Variants in USP3 observed in about 807,000 individuals in gnomAD.
The protein encoded by USP3 is ubiquitin carboxyl-terminal hydrolase 3.
In USP3, 20 loss-of-function variants were observed where a neutral mutation model predicts 72.3. The ratio of observed to expected loss-of-function variants is 0.28; its 90% CI spans 0.19 to 0.40. The LOEUF (loss-of-function observed/expected upper bound fraction) is 0.40, where lower values mean the gene tolerates loss of function less well. Ranked by LOEUF, USP3 falls within the 10% of genes least tolerant of loss-of-function variation. The probability of loss-of-function intolerance (pLI) is 1.00; values close to 1 mark genes in which losing one functional copy is unlikely to be tolerated. For synonymous variants in USP3, 222 were observed against 225.3 expected (o/e 0.99, Z 0.13); for missense variants, 479 against 633.9 (o/e 0.76, Z 2.62).
At chr15:63,587,455 T>G (rs1260099563) in intron 11 of USP3, among the ~76,000 whole-genome samples, 1 of 152,242 alleles carries the variant, frequency 6.6e-6, no homozygotes, top group East Asian at 1.9e-4. Context: ...TCTTGGAAAC[T>G]GCAAGTTTAA....
chr15:63,572,464 A>C (rs1465708567), intron 9 of USP3, among the ~76,000 whole-genome samples: 2 of 151,990 alleles, frequency 1.3e-5, no homozygotes, highest in East Asian at 3.8e-4. Flanking sequence ...ACAGCTCCCA[A>C]TCCTTCTTCC....
rs1351426937 is a variant in USP3, at chr15:63,529,191, T to C, written c.92-3456T>C. 1.6e-5 allele frequency: 9 copies of C among 571,684 alleles called. No individual in the cohort carries two copies. The highest frequency in any genetic ancestry group is 3.2e-5 in the South Asian group (2 of 62,496). The allele number at this position is 571,684 out of a possible 1,614,324, so 35.4% of individuals were successfully genotyped here. A position where few individuals can be genotyped will look rare whatever the true frequency, so the allele number is the denominator to read the frequency against. On this transcript the variant is annotated intron_variant, in intron 1 of 14. Coordinates refer to ENST00000380324, the MANE Select transcript of USP3 (RefSeq NM_006537.4). This position sits in a 1 kb window ranked among gnomAD's most constrained non-coding sequence, Gnocchi z 4.2. ...GGTAGTAAAGTGGTTTTTTTTTTTT[T>C]CTTTTTTTTGAGATATATTAAAAGG...
At chr15:63,512,308 T>TCTTCTTCTTCCTCCTCC (rs1288598684) in intron 1 of USP3, among the ~76,000 whole-genome samples, 3 of 141,992 alleles carry the variant, frequency 2.1e-5, no homozygotes, top group Non-Finnish European at 4.6e-5. Context: ...CTTCCTCCTC[T>TCTTCTTCTTCCTCCTCC]TCTTCTTCTT....
intron 11 of USP3, among the ~76,000 whole-genome samples, chr15:63,580,261 T>C (rs987371812): frequency 1.3e-5 from 2 of 152,158 alleles, no homozygotes; most frequent in African/African-American, 4.8e-5. Flanking sequence ...AAAACATTTA[T>C]ATGAGTGTTA....
chr15:63,557,267 TG>T (rs1248356876), intron 5 of USP3, among the ~76,000 whole-genome samples: 2 of 149,992 alleles, frequency 1.3e-5, no homozygotes, highest in Non-Finnish European at 1.5e-5. Context: ...TTTTTGTTTT[TG>T]TTTTTTTTTT....
rs2066286983 is a variant in USP3 at position 63,544,196 on chromosome 15, T to A, written c.284+7040T>A. The A allele has an allele frequency of 1.3e-5, 2 of 148,720 alleles. No individual in the cohort carries two copies. Among genetic ancestry groups the A allele is most frequent in the Non-Finnish European group, 3.0e-5 (2 of 67,328 alleles). 9.2% of individuals were successfully genotyped at this position (148,720 alleles called of 1,614,324 possible). Reference sequence around the variant, plus strand: ...TTTAGATTTAATTGTATATATAATTTATTAATACAAATATATACATATATA... The same window carrying A: ...TTTAGATTTAATTGTATATATAATTAATTAATACAAATATATACATATATA... On this transcript the variant is annotated intron_variant, in intron 3 of 14. Coordinates refer to ENST00000380324, the MANE Select transcript of USP3 (RefSeq NM_006537.4). This position sits in a 1 kb window ranked among gnomAD's most constrained non-coding sequence, Gnocchi z 4.2.
At chr15:63,573,213 G>T (rs1424984257) in intron 9 of USP3, among the ~76,000 whole-genome samples, 2 of 152,144 alleles carry the variant, frequency 1.3e-5, no homozygotes, top group Non-Finnish European at 2.9e-5. Flanking sequence ...TAATAAAATA[G>T]TGGCAAACAC....
At chr15:63,512,867 C>T (rs1342364951) in intron 1 of USP3, among the ~76,000 whole-genome samples, 6 of 152,138 alleles carry the variant, frequency 3.9e-5, no homozygotes, top group African/African-American at 1.4e-4. Context: ...TAAACTTGAA[C>T]ATTGAAAAAT....
intron 11 of USP3, among the ~76,000 whole-genome samples, chr15:63,575,041 G>A (rs1595764032): frequency 3.3e-5 from 5 of 151,970 alleles, no homozygotes; most frequent in Admixed American, 3.3e-4. Flanking sequence ...CAAAGAGGCC[G>A]AGTCTGTATT....
At chr15:63,583,330 C>G (rs1001251758) in intron 11 of USP3, among the ~76,000 whole-genome samples, 1 of 152,080 alleles carries the variant, frequency 6.6e-6, no homozygotes, top group South Asian at 2.1e-4. Flanking sequence ...AAAAAATGAG[C>G]TAGGCACAGT....
Position 63,591,036 on chromosome 15 carries a change from T to C in USP3, c.*210T>C. The stretch of plus-strand genomic sequence containing the variant: ...AACCTCAGCAGATGTTTTGATTTGC[T>C]GCTTTAGTTGTAATAATTCAATTTT... On this transcript the variant is annotated 3_prime_UTR_variant, in exon 15 of 15. Coordinates refer to ENST00000380324, the MANE Select transcript of USP3 (RefSeq NM_006537.4). The C allele has an allele frequency of 2.0e-6, 1 of 501,860 alleles. No individual in the cohort carries two copies. The highest frequency in any genetic ancestry group is 3.3e-6 in the Non-Finnish European group (1 of 304,908). 31.1% of individuals were successfully genotyped at this position (501,860 alleles called of 1,614,324 possible).
At chr15:63,531,437 C>G (rs943708907) in intron 1 of USP3, among the ~76,000 whole-genome samples, 11 of 152,116 alleles carry the variant, frequency 7.2e-5, no homozygotes, top group Admixed American at 6.5e-4. Context: ...ACTCCATTAC[C>G]TGTAATTTCA....
chr15:63,519,772 T>A (rs1271420043), intron 1 of USP3, among the ~76,000 whole-genome samples: 1 of 152,218 alleles, frequency 6.6e-6, no homozygotes, highest in African/African-American at 2.4e-5. Context: ...GACTCGTAAT[T>A]CTTTTACATG....
intron 7 of USP3, among the ~76,000 whole-genome samples, chr15:63,562,429 T>C (rs538937848): frequency 6.6e-6 from 1 of 152,032 alleles, no homozygotes; most frequent in East Asian, 1.9e-4. Flanking sequence ...AAATCTGACT[T>C]TTGGAGTTGA....
rs369948184 is a variant in USP3 at position 63,512,375 on chromosome 15, CTTCT to C, written c.91+7552_91+7555del. Among the ~76,000 whole-genome samples the C allele has an allele frequency of 5.6e-3, 824 of 148,418 alleles. 11 individuals are homozygous for C. The highest frequency in any genetic ancestry group is 0.02 in the African/African-American group (789 of 40,194). ...TTCCTCTTCTTCTTCTTTCTTCTTT[CTTCT>C]TTCTTTTTCTTCTTTCTTCCTTCTT... is the stretch of plus-strand genomic sequence containing the variant. On this transcript the variant is annotated intron_variant, in intron 1 of 14. Transcript: ENST00000380324.
intron 8 of USP3, among the ~76,000 whole-genome samples, chr15:63,563,629 C>T (rs904741754): frequency 7.9e-5 from 12 of 152,144 alleles, no homozygotes; most frequent in African/African-American, 1.4e-4. Flanking sequence ...TGTAGGGATT[C>T]GGGTGATAGC....
chr15:63,539,161 T>C (rs1290343642), intron 3 of USP3, among the ~76,000 whole-genome samples: 2 of 152,098 alleles, frequency 1.3e-5, no homozygotes, highest in Non-Finnish European at 2.9e-5. Flanking sequence ...TAGAGTGATG[T>C]GGCTACGTAA....
chr15:63,564,221 A>G (rs1294846518), intron 8 of USP3, among the ~76,000 whole-genome samples: 1 of 152,146 alleles, frequency 6.6e-6, no homozygotes, highest in East Asian at 1.9e-4. Flanking sequence ...GGTATTTTTT[A>G]TCTGGTCTTC....
chr15:63,552,335 C>A (rs980946539), intron 3 of USP3, among the ~76,000 whole-genome samples: 4 of 152,088 alleles, frequency 2.6e-5, no homozygotes, highest in Non-Finnish European at 5.9e-5. Flanking sequence ...CAAAGTAGAT[C>A]TTATCCTCTT....
Sources: gnomAD v4.1 joint callset for allele counts (sites outside exome capture counted in the v4.1 genomes callset) on GRCh38, gnomAD v4.1.1 for gene constraint, Gnocchi (gnomAD v3.1) non-coding constraint, MANE v1.5 for transcripts, NCBI Gene and HGNC (gene_info 2026-07-23, HGNC 2026-07-21) for gene names.